BMPER: variants seen among roughly 807,000 people sequenced by gnomAD.
The protein encoded by BMPER is BMP-binding endothelial regulator protein.
A neutral mutation model predicts 87.3 loss-of-function variants in BMPER; 45 were observed. That is an observed-to-expected ratio of 0.52 (90% CI 0.41 to 0.66). The LOEUF (loss-of-function observed/expected upper bound fraction) is 0.66. Ranked by LOEUF, BMPER falls within the 30% of genes least tolerant of loss-of-function variation. The pLI, the probability that BMPER is intolerant of heterozygous loss-of-function variation, is 0.00. For synonymous variants in BMPER, 326 were observed against 316.2 expected (o/e 1.03, Z -0.33); for missense variants, 784 against 867.5 (o/e 0.90, Z 1.21).
At chr7:34,139,543 G>A (rs181996586) in intron 13 of BMPER, among the ~76,000 whole-genome samples, 160 of 152,268 alleles carry the variant, frequency 1.1e-3, no homozygotes, top group Non-Finnish European at 1.8e-3. Flanking sequence ...AACAGAATTG[G>A]CAAAATAACA....
upstream of BMPER, chr7:33,905,238 G>A (rs1388087387): frequency 6.1e-6 from 2 of 327,580 alleles, no homozygotes; most frequent in South Asian, 2.8e-5. Flanking sequence ...GCGGCAGTGC[G>A]CAGTCGGCAG....
At chr7:34,033,159 TCA>T (rs1787575923) in intron 6 of BMPER, among the ~76,000 whole-genome samples, 1 of 152,186 alleles carries the variant, frequency 6.6e-6, no homozygotes, top group African/African-American at 2.4e-5. Context: ...AGAGTTTCAT[TCA>T]CAGAGTCCAT....
chr7:34,141,207 T>C (rs1790857512), intron 13 of BMPER, among the ~76,000 whole-genome samples: 1 of 141,656 alleles, frequency 7.1e-6, no homozygotes, highest in Admixed American at 7.5e-5. Flanking sequence ...CTCTTTGGAA[T>C]TCCAGAGTCT....
In BMPER at chr7:34,026,270, G is replaced by C. The variant is rs539598813; in HGVS notation, c.577-20036G>C. Among the ~76,000 whole-genome samples the C allele has an allele frequency of 2.6e-5, 4 of 152,116 alleles. No homozygotes were observed. The South Asian group carries it at 8.3e-4, about 32-fold the overall frequency. On this transcript the variant is annotated intron_variant, in intron 6 of 14. Transcript: ENST00000649409. Reference sequence around the variant, plus strand: ...GAACAGGATTAGGGACAGTCAGGGGGATGAGGCAAAAGGATGATTTTATTG... The same window carrying C: ...GAACAGGATTAGGGACAGTCAGGGGCATGAGGCAAAAGGATGATTTTATTG...
rs774299071 is a variant in BMPER, at chr7:33,906,915, G to A, written c.219+12G>A. 1 of 1,603,530 alleles carries A rather than the reference G, an allele frequency of 6.2e-7. No homozygotes were observed. The highest frequency in any genetic ancestry group is 1.1e-5 in the South Asian group (1 of 90,816). On this transcript the variant is annotated intron_variant, in intron 2 of 14. Coordinates refer to ENST00000649409, the MANE Select transcript of BMPER (RefSeq NM_001365308.1). ...TGTGTGTCTGCTTGGTAAGTGTGGA[G>A]ATCAGGTAATATGAACTCAACTGCT...
chr7:34,069,615 T>G (rs1297698083), intron 11 of BMPER, among the ~76,000 whole-genome samples: 1 of 152,248 alleles, frequency 6.6e-6, no homozygotes, highest in East Asian at 1.9e-4. Context: ...TGCACTATTC[T>G]CTGTTCTCTA....
chr7:34,050,994 C>T (rs1298329362), intron 7 of BMPER, among the ~76,000 whole-genome samples: 7 of 152,192 alleles, frequency 4.6e-5, no homozygotes, highest in Non-Finnish European at 1.0e-4. Flanking sequence ...TAATAAAATA[C>T]TATAAACTCT....
chr7:33,980,843 T>C (rs941829059), intron 6 of BMPER, among the ~76,000 whole-genome samples: 4 of 152,240 alleles, frequency 2.6e-5, no homozygotes, highest in Non-Finnish European at 4.4e-5. Flanking sequence ...AGCTGTGCTT[T>C]ACTGGCTCTT....
intron 6 of BMPER, among the ~76,000 whole-genome samples, chr7:33,987,673 T>G (rs1436387782): frequency 6.6e-6 from 1 of 151,750 alleles, no homozygotes; most frequent in Non-Finnish European, 1.5e-5. Context: ...AGAATCCTAC[T>G]ACTTTTTTTT....
rs903246270 is a variant in BMPER, at chr7:33,946,913, C to T, written c.319+9525C>T. 3.9e-5 allele frequency among the ~76,000 whole-genome samples: 6 copies of T among 152,264 alleles called. No individual in the cohort carries two copies. In the South Asian group the frequency reaches 6.2e-4, roughly 16 times the overall value. The stretch of plus-strand genomic sequence containing the variant: ...AATTTAACAATTATTTGTGAATCCA[C>T]GGGCCAGGTATTTATAGAATAGTGC... On this transcript the variant is annotated intron_variant, in intron 3 of 14. Coordinates refer to ENST00000649409, the MANE Select transcript of BMPER (RefSeq NM_001365308.1).
chr7:34,050,213 A>G (rs1404312636), intron 7 of BMPER, among the ~76,000 whole-genome samples: 1 of 152,234 alleles, frequency 6.6e-6, no homozygotes, highest in East Asian at 1.9e-4. Context: ...ATGCCTAGTC[A>G]TGAAAGAGTT....
At chr7:33,915,514 ACGT>A (rs1275056868) in intron 2 of BMPER, among the ~76,000 whole-genome samples, 3 of 152,144 alleles carry the variant, frequency 2.0e-5, no homozygotes, top group Non-Finnish European at 2.9e-5. Flanking sequence ...GTATGCCTGA[ACGT>A]ATGTGTGTCT....
intron 13 of BMPER, among the ~76,000 whole-genome samples, chr7:34,100,819 G>A (rs375883766): frequency 1.3e-5 from 2 of 152,240 alleles, no homozygotes; most frequent in Non-Finnish European, 2.9e-5. Flanking sequence ...TACATCTGGG[G>A]TGAGGAGGAT....
intron 6 of BMPER, among the ~76,000 whole-genome samples, chr7:33,986,625 GC>G (rs1322765876): frequency 3.3e-5 from 5 of 152,118 alleles, no homozygotes; most frequent in African/African-American, 1.2e-4. Context: ...ATTGCAAAAA[GC>G]TGGTAAGGAG....
At chr7:34,128,100 C>T (rs1790450434) in intron 13 of BMPER, among the ~76,000 whole-genome samples, 1 of 152,108 alleles carries the variant, frequency 6.6e-6, no homozygotes, top group African/African-American at 2.4e-5. Context: ...TGTCTGTTCC[C>T]CTTCTTGATG....
intron 13 of BMPER, among the ~76,000 whole-genome samples, chr7:34,112,496 GAAAA>G (rs35506917): frequency 5.3e-5 from 1 of 18,758 alleles, no homozygotes; most frequent in Non-Finnish European, 1.6e-4. Context: ...CTCCGTCTCA[GAAAA>G]AAAAAAAAAA....
At chr7:33,924,703 T>C (rs1167063711) in intron 2 of BMPER, among the ~76,000 whole-genome samples, 1 of 152,276 alleles carries the variant, frequency 6.6e-6, no homozygotes, top group Non-Finnish European at 1.5e-5. Context: ...AGTCTTGCTC[T>C]GTCGCCCGGG....
intron 2 of BMPER, among the ~76,000 whole-genome samples, chr7:33,911,037 T>C (rs1187819646): frequency 6.6e-6 from 1 of 152,234 alleles, no homozygotes; most frequent in Non-Finnish European, 1.5e-5. Flanking sequence ...AGACCAGATG[T>C]GTTCAGAGAG....
chr7:34,095,963 T>C (rs1476444844), intron 13 of BMPER, among the ~76,000 whole-genome samples: 8 of 152,200 alleles, frequency 5.3e-5, no homozygotes, highest in African/African-American at 1.9e-4. Context: ...GATAATATCT[T>C]CACCCAACAG....
Sources: allele counts gnomAD v4.1 joint callset (sites outside exome capture counted in the v4.1 genomes callset), GRCh38; gene constraint gnomAD v4.1.1; transcripts MANE v1.5; gene names NCBI Gene and HGNC (gene_info 2026-07-23, HGNC 2026-07-21).